MYH13: variants seen among roughly 807,000 people sequenced by gnomAD.
MYH13 encodes the protein myosin heavy chain 13, also known as myosin-13.
In MYH13, 177 loss-of-function variants were observed where a neutral mutation model predicts 232.1. The ratio of observed to expected loss-of-function variants is 0.76; its 90% CI spans 0.67 to 0.86. MYH13 has a LOEUF of 0.86. Among genes scored for constraint, MYH13 ranks in the 40% least tolerant of loss-of-function variants. MYH13 has a pLI of 0.00. For missense variants in MYH13, 2,246 were observed against 2,405.9 expected (o/e 0.93, Z 1.39); for synonymous variants, 884 against 923.5 (o/e 0.96, Z 0.78).
intron 23 of MYH13, among the ~76,000 whole-genome samples, chr17:10,322,835 A>G (rs62058072): frequency 0.014 from 2,055 of 151,976 alleles, 19 homozygotes; most frequent in Non-Finnish European, 0.021. Context: ...GGGTTTCACC[A>G]TGTTAGCCAG....
chr17:10,317,712 A>G (rs945271320), intron 27 of MYH13: 1 of 152,208 alleles, frequency 6.6e-6, no homozygotes, highest in Non-Finnish European at 1.5e-5. Flanking sequence ...AGCTTGTGAA[A>G]TAAGCTTCAG....
At chr17:10,328,455 C>G (rs1291206317) in intron 21 of MYH13, among the ~76,000 whole-genome samples, 2 of 152,174 alleles carry the variant, frequency 1.3e-5, no homozygotes, top group Non-Finnish European at 2.9e-5. Flanking sequence ...GCTTTCATTC[C>G]TATTCTATTG....
intron 26 of MYH13, 122 bp from the exon 27 acceptor site, chr17:10,319,301 G>C: frequency 8.1e-7 from 1 of 1,233,260 alleles, no homozygotes; most frequent in East Asian, 2.6e-5. Flanking sequence ...TTGAGGTCAG[G>C]AGTTTGAAAC....
chr17:10,309,025 A>G (rs974228498), intron 35 of MYH13, among the ~76,000 whole-genome samples: 3 of 152,262 alleles, frequency 2.0e-5, no homozygotes, highest in Admixed American at 6.5e-5. Flanking sequence ...TGGATGAGAG[A>G]AAGCTCAGAA....
intron 37 of MYH13, among the ~76,000 whole-genome samples, chr17:10,305,600 C>T (rs1013885157): frequency 6.6e-6 from 1 of 152,272 alleles, no homozygotes; most frequent in Non-Finnish European, 1.5e-5. Context: ...TCCTCCTTTC[C>T]TCCCTCTCTT....
rs761973009 is a variant in MYH13, at chr17:10,313,166, C to T, written c.4173G>A (p.Glu1391=). ...TDAIQRTEEL[E]EAKKKLAQRL... is the part of the protein sequence containing the mutation. Reference sequence around the variant, plus strand: ...CACCCTGGAGCCCCTACTTGGCCTCCTCCAGCTCCTCTGTGCGCTGAATGG... The same window carrying T: ...CACCCTGGAGCCCCTACTTGGCCTCTTCCAGCTCCTCTGTGCGCTGAATGG... The change falls in exon 30 of 41, where the codon GAG becomes GAA. Residue 1391 remains glutamate, a synonymous_variant. Transcript: ENST00000252172. The T allele has an allele frequency of 1.2e-6, 2 of 1,614,134 alleles. No homozygotes were observed. The highest frequency in any genetic ancestry group is 1.7e-6 in the Non-Finnish European group (2 of 1,179,982).
chr17:10,351,695 G>C (rs11078844), intron 11 of MYH13, among the ~76,000 whole-genome samples: 59,907 of 151,948 alleles, frequency 0.39, 11,951 homozygotes, highest in Middle Eastern at 0.51. Flanking sequence ...GTTAGGTCTT[G>C]GTCCCTTCAA....
chr17:10,301,332 C>G (rs1373599735), intron 40 of MYH13, among the ~76,000 whole-genome samples: 2 of 152,200 alleles, frequency 1.3e-5, no homozygotes, highest in African/African-American at 4.8e-5. Context: ...CTTCCAAGCT[C>G]TCCCTGGGTG....
rs1280787197 is a variant in MYH13, at chr17:10,319,245, G to A, written c.3349-66C>T. On this transcript the variant is annotated intron_variant, in intron 26 of 40. Coordinates refer to ENST00000252172, the MANE Select transcript of MYH13 (RefSeq NM_003802.3). ...GGGGCAGCCCCCTTTGAGAGGGGCT[G>A]GGTGTTGAGGAATTGCGGGTAGGCA... is the stretch of plus-strand genomic sequence containing the variant. 5.3e-6 allele frequency: 8 copies of A among 1,514,852 alleles called. No homozygotes were observed. In the Admixed American group the frequency reaches 1.8e-4, roughly 33 times the overall value. 93.8% of individuals were successfully genotyped at this position (1,514,852 alleles called of 1,614,324 possible).
rs368551036 is a variant in MYH13 at position 10,343,950 on chromosome 17, C to A, written c.1744G>T (p.Val582Leu). 1 of 1,614,104 alleles carries A rather than the reference C, an allele frequency of 6.2e-7. No homozygotes were observed. Among genetic ancestry groups the A allele is most frequent in the Non-Finnish European group, 8.5e-7 (1 of 1,180,052 alleles). Residue 582 changes from valine (V) to leucine (L), a missense_variant, in exon 16 of 41, where the codon GTG (valine) becomes TTG (leucine). Physicochemically the swap from Val to Leu is conservative, Grantham distance 32. Coordinates refer to ENST00000252172, the MANE Select transcript of MYH13 (RefSeq NM_003802.3). ...KGKAEAHFSL[V>L]HYAGTVDYNI... Reference sequence around the variant, plus strand: ...TAGTCCACGGTGCCGGCATAGTGCACCAGCGAGAAGTGAGCCTCAGCCTTG... The same window carrying A: ...TAGTCCACGGTGCCGGCATAGTGCAACAGCGAGAAGTGAGCCTCAGCCTTG...
chr17:10,311,183 T>C lies in MYH13; in HGVS notation c.4576A>G (p.Asn1526Asp). 6.2e-7 allele frequency: 1 copy of C among 1,614,096 alleles called. No homozygotes were observed. The highest frequency in any genetic ancestry group is 8.5e-7 in the Non-Finnish European group (1 of 1,179,910). The change falls in exon 33 of 41, where the codon AAT becomes GAT. Residue 1526 changes from asparagine (N) to aspartate (D), a missense_variant. Asn to Asp is a conservative substitution (Grantham distance 23, BLOSUM62 1). Transcript: ENST00000252172. ...LTEQIAETGKNLQEAEKTKKL... is the reference protein window; with the variant it reads ...LTEQIAETGKDLQEAEKTKKL... The stretch of plus-strand genomic sequence containing the variant: ...TTGGTCTTTTCCGCTTCCTGAAGAT[T>C]CTTGCCAGTTTCTGCAATCTGCTCA...
chr17:10,301,465 C>A, intron 40 of MYH13, 104 bp downstream of exon 40: 1 of 1,535,202 alleles, frequency 6.5e-7, no homozygotes, highest in South Asian at 1.2e-5. Context: ...TCTCAGGTAC[C>A]TGCCCTTATC....
chr17:10,303,189 T>C lies in MYH13; in HGVS notation c.5667+7A>G, dbSNP rs978942656. The C allele has an allele frequency of 4.3e-6, 7 of 1,612,296 alleles. No homozygotes were observed. The highest frequency in any genetic ancestry group is 5.9e-6 in the Non-Finnish European group (7 of 1,179,816). On this transcript the variant is annotated splice_region_variant and intron_variant, in intron 39 of 40. Transcript: ENST00000252172. ...TGTGGGCACTGCCGGGGACCTCCTG[T>C]GCTTACCGCCTCCTCAGCCTGCCTC...
intron 11 of MYH13, among the ~76,000 whole-genome samples, chr17:10,353,711 A>G (rs1409334440): frequency 2.0e-5 from 3 of 151,986 alleles, no homozygotes; most frequent in African/African-American, 4.8e-5. Context: ...CTAAAAATAC[A>G]CACACACAAA....
At chr17:10,360,110 A>G (rs1044361646) in intron 6 of MYH13, 39 bp from the exon 7 acceptor site, 4 of 1,613,940 alleles carry the variant, frequency 2.5e-6, no homozygotes, top group Non-Finnish European at 3.4e-6. Flanking sequence ...GGAGAGTGGA[A>G]GGGAGGGCAC....
rs575369685 is a variant in MYH13 at position 10,341,639 on chromosome 17, C to G, written c.1895-1238G>C. ...CCTTTCCCTTCATCCCACTTTGTCC[C>G]CGGGGTCTAGCATGACTGTGTGTTT... On this transcript the variant is annotated intron_variant, in intron 16 of 40. Coordinates refer to ENST00000252172, the MANE Select transcript of MYH13 (RefSeq NM_003802.3). 5.3e-5 allele frequency among the ~76,000 whole-genome samples: 8 copies of G among 152,254 alleles called. No individual in the cohort carries two copies. The South Asian group carries it at 1.7e-3, about 32-fold the overall frequency.
chr17:10,302,937 G>A (rs1906144781), intron 39 of MYH13, among the ~76,000 whole-genome samples: 1 of 151,992 alleles, frequency 6.6e-6, no homozygotes, highest in Non-Finnish European at 1.5e-5. Flanking sequence ...GGTGTCAAGT[G>A]AGTCACGGTG....
rs16943257 is a variant in MYH13 at position 10,301,480 on chromosome 17, C to T, written c.5802+89G>A. On this transcript the variant is annotated intron_variant, in intron 40 of 40. Transcript: ENST00000252172. ...TCTCAGGTACCTGCCCTTATCTGGC[C>T]TCCCACACTCAGGCATTCGCTCTTA... 1.9e-3 allele frequency: 3,010 copies of T among 1,569,850 alleles called. 45 individuals are homozygous for T. The African/African-American group carries it at 0.035, about 18-fold the overall frequency.
rs563100099 is a variant in MYH13 at position 10,323,685 on chromosome 17, G to A, written c.2934+337C>T. Reference sequence around the variant, plus strand: ...GAGGCAGGAGAATTGCTTGAACCTGGGAGGCGGAGGTTGCAGTGAGCTGAG... The same window carrying A: ...GAGGCAGGAGAATTGCTTGAACCTGAGAGGCGGAGGTTGCAGTGAGCTGAG... On this transcript the variant is annotated intron_variant, in intron 23 of 40. Coordinates refer to ENST00000252172, the MANE Select transcript of MYH13 (RefSeq NM_003802.3). Among the ~76,000 whole-genome samples the A allele has an allele frequency of 6.7e-5, 10 of 150,110 alleles. No homozygotes were observed. The East Asian group carries it at 1.8e-3, about 28-fold the overall frequency.
Sources: allele counts gnomAD v4.1 joint callset (sites outside exome capture counted in the v4.1 genomes callset), GRCh38; gene constraint gnomAD v4.1.1; transcripts MANE v1.5; gene names NCBI Gene and HGNC (gene_info 2026-07-23, HGNC 2026-07-21).